KPNA4: variants seen among roughly 807,000 people sequenced by gnomAD.
The protein encoded by KPNA4 is importin subunit alpha-3.
KPNA4 carries 13 observed loss-of-function variants against 71.3 expected under a neutral mutation model. The ratio of observed to expected loss-of-function variants is 0.18; its 90% CI spans 0.12 to 0.29. KPNA4 has a LOEUF of 0.29. Ranked by LOEUF, KPNA4 falls within the 10% of genes least tolerant of loss-of-function variation. KPNA4 has a pLI of 1.00. For synonymous variants in KPNA4, 189 were observed against 195.2 expected (o/e 0.97, Z 0.26); for missense variants, 334 against 603.2 (o/e 0.55, Z 4.67).
chr3:160,515,617 C>T, intron 11 of KPNA4, 37 bp from the exon 12 acceptor site: 1 of 1,591,978 alleles, frequency 6.3e-7, no homozygotes, highest in Non-Finnish European at 8.6e-7. Flanking sequence ...TATGTGAAAT[C>T]CTTTTTTTTT....
At chr3:160,508,970 A>G (rs1283496118) in intron 14 of KPNA4, among the ~76,000 whole-genome samples, 1 of 152,150 alleles carries the variant, frequency 6.6e-6, no homozygotes, top group East Asian at 1.9e-4. Flanking sequence ...TCCATGCATT[A>G]TATTAATATT....
At chr3:160,535,291 G>A (rs1381525646) in intron 5 of KPNA4, among the ~76,000 whole-genome samples, 1 of 152,058 alleles carries the variant, frequency 6.6e-6, no homozygotes, top group African/African-American at 2.4e-5. Context: ...AACCTTCAGT[G>A]TACACTTTCA....
chr3:160,544,026 C>T (rs1721857419), intron 1 of KPNA4, among the ~76,000 whole-genome samples: 1 of 151,968 alleles, frequency 6.6e-6, no homozygotes, highest in Admixed American at 6.6e-5. Flanking sequence ...CCCAGTGTGG[C>T]GTGGTATTTT....
Position 160,525,414 on chromosome 3 carries a change from C to T in KPNA4, c.771+386G>A, listed in dbSNP as rs182099074. ...TGTGTGCTTTCATTGGCCAAACTGT[C>T]AAAATGACCTTCTGTAAAAAGCACA... is the stretch of plus-strand genomic sequence containing the variant. On this transcript the variant is annotated intron_variant, in intron 10 of 16. Transcript: ENST00000334256. Among the ~76,000 whole-genome samples, 422 of 152,164 alleles carry T rather than the reference C, an allele frequency of 2.8e-3. 1 individual carries two copies. Among genetic ancestry groups the T allele is most frequent in the Non-Finnish European group, 4.7e-3 (318 of 67,994 alleles).
intron 16 of KPNA4, among the ~76,000 whole-genome samples, chr3:160,502,700 A>C (rs748478733): frequency 3.9e-5 from 6 of 152,212 alleles, no homozygotes; most frequent in Non-Finnish European, 8.8e-5. Flanking sequence ...TGCCAAAATG[A>C]GAAAAAAGAG....
Position 160,500,817 on chromosome 3 carries a change from T to A in KPNA4, c.*1287A>T, listed in dbSNP as rs1720862591. The A allele has an allele frequency of 1.3e-5, 2 of 152,628 alleles. 1 individual carries two copies. Among genetic ancestry groups the A allele is most frequent in the South Asian group, 4.1e-4 (2 of 4,830 alleles). The allele number at this position is 152,628 out of a possible 1,614,324, so 9.5% of individuals were successfully genotyped here. ...TCATCGGTCTTTATTCAGCAGTACA[T>A]ATGCACCAAATTCCATTTTAGAAGT... On this transcript the variant is annotated 3_prime_UTR_variant, in exon 17 of 17. Transcript: ENST00000334256.
chr3:160,541,694 C>G (rs1437003281), intron 1 of KPNA4, among the ~76,000 whole-genome samples: 1 of 151,070 alleles, frequency 6.6e-6, no homozygotes, highest in Non-Finnish European at 1.5e-5. Flanking sequence ...CCTTCCCTCC[C>G]CAACATGAGT....
chr3:160,507,896 A>G (rs1315969121), intron 15 of KPNA4, among the ~76,000 whole-genome samples: 1 of 152,236 alleles, frequency 6.6e-6, no homozygotes, highest in Non-Finnish European at 1.5e-5. Context: ...GTAACTTATC[A>G]CAGTGCCTGT....
intron 3 of KPNA4, 41 bp downstream of exon 3, chr3:160,535,767 C>A: frequency 6.4e-7 from 1 of 1,560,202 alleles, no homozygotes; most frequent in Non-Finnish European, 8.6e-7. Context: ...ATCTTTCACT[C>A]GTACTTTTAA....
At chr3:160,503,826 T>C (rs1416850106) in intron 16 of KPNA4, among the ~76,000 whole-genome samples, 1 of 152,232 alleles carries the variant, frequency 6.6e-6, no homozygotes, top group African/African-American at 2.4e-5. Context: ...CTCATGCCTG[T>C]AATCCCAGCA....
intron 1 of KPNA4, among the ~76,000 whole-genome samples, chr3:160,547,715 A>T (rs559165841): frequency 2.6e-5 from 4 of 152,102 alleles, no homozygotes; most frequent in African/African-American, 9.6e-5. Context: ...TGCTCTCCTT[A>T]TTCATCTCCC....
At position 160,527,864 on chromosome 3, in the gene KPNA4, T is replaced by C. The variant is rs1721488361; in HGVS notation, c.556+89A>G. On this transcript the variant is annotated intron_variant, in intron 8 of 16. Transcript: ENST00000334256. Reference sequence around the variant, plus strand: ...ACAAAAACTAGTACTGAAGGCAAACTGTTTTCTCTTTTGGATTACTAGTAG... The same window carrying C: ...ACAAAAACTAGTACTGAAGGCAAACCGTTTTCTCTTTTGGATTACTAGTAG... 5.3e-6 allele frequency: 5 copies of C among 940,472 alleles called. No homozygotes were observed. The Admixed American group carries it at 6.1e-5, about 11-fold the overall frequency. 58.3% of individuals were successfully genotyped at this position (940,472 alleles called of 1,614,324 possible).
chr3:160,535,768 G>A (rs1225831555), intron 3 of KPNA4, 40 bp downstream of exon 3: 18 of 1,557,278 alleles, frequency 1.2e-5, no homozygotes, highest in African/African-American at 4.2e-5. Flanking sequence ...TCTTTCACTC[G>A]TACTTTTAAG....
chr3:160,526,476 T>C (rs1392489542), intron 8 of KPNA4, among the ~76,000 whole-genome samples: 2 of 152,228 alleles, frequency 1.3e-5, no homozygotes, highest in Admixed American at 1.3e-4. Flanking sequence ...ATCAAGGTTA[T>C]GAACTATAAA....
chr3:160,524,553 A>T (rs980271539), intron 10 of KPNA4, among the ~76,000 whole-genome samples: 2 of 152,100 alleles, frequency 1.3e-5, no homozygotes, highest in African/African-American at 4.8e-5. Flanking sequence ...CATGTTGCCC[A>T]GGCTGGTCTC....
chr3:160,519,084 A>G lies in KPNA4; in HGVS notation c.903+2695T>C, dbSNP rs1721292088. Reference sequence around the variant, plus strand: ...CTTATATTTCCATATGGATTTTAAGATCTGTTTGTAAAATTCTGCCAAAAA... The same window carrying G: ...CTTATATTTCCATATGGATTTTAAGGTCTGTTTGTAAAATTCTGCCAAAAA... On this transcript the variant is annotated intron_variant, in intron 11 of 16. Coordinates refer to ENST00000334256, the MANE Select transcript of KPNA4 (RefSeq NM_002268.5). Among the ~76,000 whole-genome samples, 3 of 152,144 alleles carry G rather than the reference A, an allele frequency of 2.0e-5. No individual in the cohort carries two copies. In the South Asian group the frequency reaches 6.2e-4, roughly 32 times the overall value.
chr3:160,552,796 C>G (rs1722067798), intron 1 of KPNA4, among the ~76,000 whole-genome samples: 1 of 152,000 alleles, frequency 6.6e-6, no homozygotes, highest in South Asian at 2.1e-4. Context: ...GAGAACACCA[C>G]TAATGTGTTA....
chr3:160,564,552 G>C (rs1722301974), intron 1 of KPNA4: 2 of 152,204 alleles, frequency 1.3e-5, no homozygotes, highest in African/African-American at 4.8e-5. Flanking sequence ...GCTATATCCA[G>C]AGTAAAACAC....
At chr3:160,528,235 A>G (rs924273973) in intron 7 of KPNA4, among the ~76,000 whole-genome samples, 196 bp from the exon 8 acceptor site, 4 of 152,322 alleles carry the variant, frequency 2.6e-5, no homozygotes, top group Middle Eastern at 3.4e-3. Context: ...CAGTATCAAA[A>G]TGAGTTATCC....
Sources: gnomAD v4.1 joint callset for allele counts (sites outside exome capture counted in the v4.1 genomes callset) on GRCh38, gnomAD v4.1.1 for gene constraint, MANE v1.5 for transcripts, NCBI Gene and HGNC (gene_info 2026-07-23, HGNC 2026-07-21) for gene names.